The following PALD1 variants were observed in gnomAD, a reference collection of about 807,000 sequenced individuals.
The protein encoded by PALD1 is phosphatase domain containing paladin 1, also known as paladin.
Under a neutral mutation model 96.0 loss-of-function variants are expected in PALD1, and 57 were observed. The ratio of observed to expected loss-of-function variants is 0.59; its 90% confidence interval spans 0.48 to 0.74. The LOEUF (loss-of-function observed/expected upper bound fraction) is 0.74, where lower values mean the gene tolerates loss of function less well. Among genes scored for constraint, PALD1 ranks in the 30% least tolerant of loss-of-function variants. The pLI is 0.00. For synonymous variants in PALD1, 464 were observed against 473.6 expected (o/e 0.98, Z 0.26); for missense variants, 1,063 against 1,143.7 (o/e 0.93, Z 1.02).
chr10:70,540,737 C>T lies in PALD1; in HGVS notation c.1909-365C>T, dbSNP rs954834134. On this transcript the variant is annotated intron_variant, in intron 15 of 19. Coordinates refer to ENST00000263563, the MANE Select transcript of PALD1 (RefSeq NM_014431.3). This position sits in a 1 kb window ranked among gnomAD's most constrained non-coding sequence, Gnocchi z 4.2. ...ATGGTGGGACCAGGGCTGGGTCCAG[C>T]TCAGGTGGGTGGCAGGGCCAGCAGT... Among the ~76,000 whole-genome samples, 4 of 152,134 alleles carry T rather than the reference C, an allele frequency of 2.6e-5. No homozygotes were observed. The highest frequency in any genetic ancestry group is 1.9e-4 in the East Asian group (1 of 5,186).
At chr10:70,491,493 G>A (rs963071142) in intron 1 of PALD1, among the ~76,000 whole-genome samples, 3 of 152,130 alleles carry the variant, frequency 2.0e-5, no homozygotes, top group African/African-American at 7.2e-5. Context: ...CATGGAGAAG[G>A]AACTGGATTG....
intron 1 of PALD1, among the ~76,000 whole-genome samples, chr10:70,492,582 G>C (rs1386084610): frequency 2.7e-5 from 4 of 147,616 alleles, no homozygotes; most frequent in Admixed American, 2.1e-4. Context: ...TCAGCTTCCT[G>C]AGTAGCTGGG....
At chr10:70,528,542 C>G (rs2132358475) in intron 2 of PALD1, among the ~76,000 whole-genome samples, 1 of 152,294 alleles carries the variant, frequency 6.6e-6, no homozygotes, top group Middle Eastern at 3.4e-3. Flanking sequence ...ATGCCCCAAG[C>G]CTGCGTTCTA....
chr10:70,487,349 G>A (rs1846030549), intron 1 of PALD1, among the ~76,000 whole-genome samples: 1 of 151,818 alleles, frequency 6.6e-6, no homozygotes, highest in African/African-American at 2.4e-5. Context: ...TAGCCAGGAT[G>A]GTCTCGATCT....
intron 18 of PALD1, among the ~76,000 whole-genome samples, chr10:70,560,759 C>T (rs1012293416): frequency 1.3e-5 from 2 of 152,086 alleles, no homozygotes; most frequent in African/African-American, 4.8e-5. Context: ...GCCCGAAGTA[C>T]CCAGTGCCCC....
rs560101593 is a variant in PALD1, at chr10:70,567,171, CT to C, written c.*439del. 263 of 164,062 alleles carry C rather than the reference CT, an allele frequency of 1.6e-3. 1 individual carries two copies. The highest frequency in any genetic ancestry group is 8.5e-3 in the Middle Eastern group (3 of 354). 10.2% of individuals were successfully genotyped at this position (164,062 alleles called of 1,614,324 possible). Reference sequence around the variant, plus strand: ...GTAGCTCCCCACTTCCTTACTCCTGCTGCTCTGCCATTGCCGCTCCCCTTGT... The same window carrying C: ...GTAGCTCCCCACTTCCTTACTCCTGCGCTCTGCCATTGCCGCTCCCCTTGT... On this transcript the variant is annotated 3_prime_UTR_variant, in exon 20 of 20. Coordinates refer to ENST00000263563, the MANE Select transcript of PALD1 (RefSeq NM_014431.3).
Position 70,540,622 on chromosome 10 carries a change from G to C in PALD1, c.1909-480G>C, listed in dbSNP as rs1847222454. On this transcript the variant is annotated intron_variant, in intron 15 of 19. Coordinates refer to ENST00000263563, the MANE Select transcript of PALD1 (RefSeq NM_014431.3). This position sits in a 1 kb window ranked among gnomAD's most constrained non-coding sequence, Gnocchi z 4.2. The stretch of plus-strand genomic sequence containing the variant: ...TGTTACCCTGCCTGAGCCCCTCCTG[G>C]CGCATCTCTTCGCGGCTCTCACTGC... Among the ~76,000 whole-genome samples the C allele has an allele frequency of 6.6e-6, 1 of 152,128 alleles. No individual in the cohort carries two copies.
At chr10:70,489,247 C>T (rs1319217998) in intron 1 of PALD1, among the ~76,000 whole-genome samples, 1 of 152,102 alleles carries the variant, frequency 6.6e-6, no homozygotes, top group Non-Finnish European at 1.5e-5. Flanking sequence ...CCTCCTGGCC[C>T]CACCCCAACC....
intron 18 of PALD1, among the ~76,000 whole-genome samples, chr10:70,562,743 C>G (rs993060987): frequency 2.0e-5 from 3 of 151,928 alleles, no homozygotes; most frequent in African/African-American, 7.2e-5. Flanking sequence ...TCCAAACTCC[C>G]CTTCCATAGC....
At chr10:70,481,623 C>T (rs1412450451) in intron 1 of PALD1, among the ~76,000 whole-genome samples, 3 of 152,216 alleles carry the variant, frequency 2.0e-5, no homozygotes, top group Non-Finnish European at 2.9e-5. Flanking sequence ...TCCTTTCCTA[C>T]CAGAATAGGA....
At position 70,547,387 on chromosome 10, in the gene PALD1, G is replaced by A. The variant is rs763609691; in HGVS notation, c.2203G>A (p.Glu735Lys). The A allele has an allele frequency of 1.2e-5, 20 of 1,613,210 alleles. No homozygotes were observed. The South Asian group carries it at 2.0e-4, about 16-fold the overall frequency. ...GGACGCAGCGCTGGACACTGTCAGC[G>A]AGACCATGACGCCCATGCACTACCA... is the stretch of plus-strand genomic sequence containing the variant. ...EVDAALDTVS[E>K]TMTPMHYHLR... The change falls in exon 18 of 20, where the codon GAG (glutamate) becomes AAG (lysine). Residue 735 changes from glutamate (E) to lysine (K), a missense_variant. By Grantham distance (56) the Glu-to-Lys change is moderately conservative. Transcript: ENST00000263563.
At chr10:70,506,468 A>G (rs531563138) in intron 1 of PALD1, among the ~76,000 whole-genome samples, 1 of 152,290 alleles carries the variant, frequency 6.6e-6, no homozygotes, top group Non-Finnish European at 1.5e-5. Flanking sequence ...GTAGGATTAG[A>G]TGACAGATGC....
intron 18 of PALD1, among the ~76,000 whole-genome samples, chr10:70,563,073 C>T (rs1375744080): frequency 2.4e-5 from 3 of 123,476 alleles, no homozygotes; most frequent in East Asian, 2.2e-4. Context: ...TTGACAATCC[C>T]GATGCCCAGG....
intron 1 of PALD1, among the ~76,000 whole-genome samples, chr10:70,521,076 T>C (rs953616703): frequency 2.6e-5 from 4 of 152,214 alleles, no homozygotes; most frequent in Non-Finnish European, 4.4e-5. Context: ...AGCTGCAGCC[T>C]GGATGATTCT....
upstream of PALD1, among the ~76,000 whole-genome samples, chr10:70,474,287 G>A (rs780841052): frequency 2.6e-5 from 4 of 152,118 alleles, no homozygotes; most frequent in Non-Finnish European, 5.9e-5. Flanking sequence ...AGGGCCGGGC[G>A]TGGTGGCTCA....
chr10:70,552,310 C>T (rs994268690), intron 18 of PALD1, among the ~76,000 whole-genome samples: 8 of 152,198 alleles, frequency 5.3e-5, no homozygotes, highest in Admixed American at 4.6e-4. Flanking sequence ...GTGTGTAGCA[C>T]GCGCGGCCCT....
At chr10:70,476,182 C>T (rs1845820230), upstream of PALD1, among the ~76,000 whole-genome samples, 1 of 152,182 alleles carries the variant, frequency 6.6e-6, no homozygotes, top group Non-Finnish European at 1.5e-5. Context: ...GGATTTTGGG[C>T]TTCTGCTCTG....
At chr10:70,493,664 G>A (rs142669219) in intron 1 of PALD1, among the ~76,000 whole-genome samples, 12 of 152,276 alleles carry the variant, frequency 7.9e-5, no homozygotes, top group African/African-American at 2.9e-4. Flanking sequence ...AGGTGTTCAG[G>A]CCAAACACTG....
intron 1 of PALD1, among the ~76,000 whole-genome samples, chr10:70,508,265 C>T (rs1263277103): frequency 6.6e-6 from 1 of 152,172 alleles, no homozygotes; most frequent in Admixed American, 6.5e-5. Flanking sequence ...TGCAAAACAC[C>T]CTGCTCCCAC....
Sources: gnomAD v4.1 joint callset for allele counts (sites outside exome capture counted in the v4.1 genomes callset) on GRCh38, gnomAD v4.1.1 for gene constraint, Gnocchi (gnomAD v3.1) non-coding constraint, MANE v1.5 for transcripts, NCBI Gene and HGNC (gene_info 2026-07-23, HGNC 2026-07-21) for gene names.